Variants in PRKCI observed in about 807,000 individuals in gnomAD.
PRKCI encodes the protein protein kinase C iota, also known as protein kinase C iota type.
PRKCI carries 43 observed loss-of-function variants against 84.0 expected under a neutral mutation model. The ratio of observed to expected loss-of-function variants is 0.51; its 90% CI spans 0.40 to 0.66. The LOEUF is 0.66. Ranked by LOEUF, PRKCI falls within the 30% of genes least tolerant of loss-of-function variation. PRKCI has a pLI of 0.00. For synonymous variants in PRKCI, 216 were observed against 234.4 expected (o/e 0.92, Z 0.72); for missense variants, 459 against 745.6 (o/e 0.62, Z 4.48).
intron 17 of PRKCI, among the ~76,000 whole-genome samples, chr3:170,299,625 G>A (rs1230441652): frequency 6.6e-6 from 1 of 152,204 alleles, no homozygotes; most frequent in African/African-American, 2.4e-5. Context: ...TTGCTTTATA[G>A]TGCATTATCT....
intron 2 of PRKCI, among the ~76,000 whole-genome samples, chr3:170,256,972 G>A (rs566095327): frequency 6.6e-6 from 1 of 151,856 alleles, no homozygotes; most frequent in Non-Finnish European, 1.5e-5. Context: ...ATGTGTTTTT[G>A]TAGTTCCCAA....
intron 8 of PRKCI, 81 bp downstream of exon 8, chr3:170,275,368 C>G (rs1028995002): frequency 2.3e-6 from 3 of 1,299,894 alleles, no homozygotes; most frequent in Non-Finnish European, 3.1e-6. Context: ...ACATATTGAC[C>G]TGCTTAGACT....
At chr3:170,256,654 C>T (rs1404573324) in intron 2 of PRKCI, among the ~76,000 whole-genome samples, 1 of 152,084 alleles carries the variant, frequency 6.6e-6, no homozygotes, top group African/African-American at 2.4e-5. Context: ...TGTTTTGTTT[C>T]AATTTCATTC....
intron 1 of PRKCI, among the ~76,000 whole-genome samples, chr3:170,231,504 G>A (rs1018690596): frequency 1.0e-4 from 15 of 149,908 alleles, no homozygotes; most frequent in African/African-American, 2.7e-4. Flanking sequence ...TCACTCTGTC[G>A]CCCAGGCTGG....
chr3:170,265,521 A>C (rs1733837407), intron 4 of PRKCI, among the ~76,000 whole-genome samples: 2 of 151,940 alleles, frequency 1.3e-5, no homozygotes, highest in African/African-American at 4.8e-5. Context: ...TAGGCAACTC[A>C]TTTTCATTTG....
At chr3:170,290,517 T>A (rs981264514) in intron 12 of PRKCI, among the ~76,000 whole-genome samples, 3 of 151,678 alleles carry the variant, frequency 2.0e-5, no homozygotes, top group Non-Finnish European at 2.9e-5. Context: ...ATATTCTACA[T>A]GTATATGTAT....
intron 1 of PRKCI, among the ~76,000 whole-genome samples, chr3:170,234,918 C>A (rs1732929361): frequency 6.6e-6 from 1 of 151,798 alleles, no homozygotes; most frequent in Admixed American, 6.6e-5. Context: ...TGAGAAGGAT[C>A]CTCCCACCTC....
chr3:170,228,616 TACACAC>T (rs36006947), intron 1 of PRKCI, among the ~76,000 whole-genome samples: 22 of 147,384 alleles, frequency 1.5e-4, no homozygotes, highest in South Asian at 6.5e-4. Context: ...TATATATATA[TACACAC>T]ACACACACAC....
rs774546861 is a variant in PRKCI at position 170,273,293 on chromosome 3, T to C, written c.599T>C (p.Val200Ala). 16 of 1,613,476 alleles carry C rather than the reference T, an allele frequency of 9.9e-6. No individual in the cohort carries two copies. The African/African-American group carries it at 1.5e-4, about 15-fold the overall frequency. Residue 200 changes from valine (V) to alanine (A), a missense_variant, in exon 7 of 18, where the codon GTG (valine) becomes GCG (alanine). This residue lies in a region of PRKCI where 250 missense variants were observed against 319.7 expected (regional missense o/e 0.78). Transcript: ENST00000295797. ...CTTTGGAAATGTTTGTAGGAACCAG[T>C]GATGCCCATGGATCAGTCATCCATG... ...CGRHSLPQEP[V>A]MPMDQSSMHS...
chr3:170,290,508 T>C (rs201629207), intron 12 of PRKCI, among the ~76,000 whole-genome samples: 1 of 151,992 alleles, frequency 6.6e-6, no homozygotes, highest in East Asian at 1.9e-4. Flanking sequence ...GACGTACATA[T>C]ATTCTACATG....
chr3:170,235,442 A>G (rs1732945095), intron 2 of PRKCI, 91 bp downstream of exon 2: 3 of 1,376,546 alleles, frequency 2.2e-6, no homozygotes, highest in Non-Finnish European at 2.0e-6. Flanking sequence ...TAAAAAGTTT[A>G]AGAGGAAAGA....
intron 1 of PRKCI, among the ~76,000 whole-genome samples, chr3:170,233,517 T>C (rs1732858489): frequency 1.3e-5 from 2 of 152,194 alleles, no homozygotes; most frequent in African/African-American, 4.8e-5. Flanking sequence ...TAGAATGTAA[T>C]ATCTTTATTT....
intron 1 of PRKCI, among the ~76,000 whole-genome samples, chr3:170,234,063 C>T (rs185184507): frequency 0.032 from 2,610 of 82,606 alleles, 41 homozygotes; most frequent in East Asian, 0.16. Context: ...GATGGAGTTT[C>T]GCTCTTGTTG....
At chr3:170,281,594 G>A in intron 10 of PRKCI, 3 of 416,868 alleles carry the variant, frequency 7.2e-6, no homozygotes, top group Non-Finnish European at 8.4e-6. Flanking sequence ...CTTGACAGTC[G>A]AAAATGACTT....
chr3:170,279,232 C>T (rs1025400917), intron 8 of PRKCI, among the ~76,000 whole-genome samples: 2 of 152,090 alleles, frequency 1.3e-5, no homozygotes, highest in African/African-American at 4.8e-5. Context: ...TTTCTTGGCA[C>T]ATTGCCCAGG....
At position 170,303,318 on chromosome 3, in the gene PRKCI, C is replaced by T. The variant is rs1335036352; in HGVS notation, c.*191C>T. 16 of 386,950 alleles carry T rather than the reference C, an allele frequency of 4.1e-5. No individual in the cohort carries two copies. Among genetic ancestry groups the T allele is most frequent in the African/African-American group, 1.0e-4 (5 of 48,120 alleles). 24.0% of individuals were successfully genotyped at this position (386,950 alleles called of 1,614,324 possible). On this transcript the variant is annotated 3_prime_UTR_variant, in exon 18 of 18. Transcript: ENST00000295797. ...ATGAAAAAAAAATTAATACTACTAGCTTCCAGACAATCATGTCAAAATTTA... is the reference window on the plus strand; with the variant it reads ...ATGAAAAAAAAATTAATACTACTAGTTTCCAGACAATCATGTCAAAATTTA...
chr3:170,297,144 C>G (rs903315499), intron 15 of PRKCI, among the ~76,000 whole-genome samples, 160 bp from the exon 16 acceptor site: 1 of 152,148 alleles, frequency 6.6e-6, no homozygotes, highest in African/African-American at 2.4e-5. Flanking sequence ...TTTCAAATAA[C>G]TCAATTTGTT....
rs945802055 is a variant in PRKCI, at chr3:170,269,669, AAGAG to A, written c.451-748_451-745del. Among the ~76,000 whole-genome samples, 120 of 151,748 alleles carry A rather than the reference AAGAG, an allele frequency of 7.9e-4. 1 individual carries two copies. Among genetic ancestry groups the A allele is most frequent in the African/African-American group, 2.8e-3 (115 of 41,396 alleles). On this transcript the variant is annotated intron_variant, in intron 5 of 17. Coordinates refer to ENST00000295797, the MANE Select transcript of PRKCI (RefSeq NM_002740.6). ...TCTTAAAAATAAATAAATAAATAAA[AAGAG>A]AGACCAAGTGCGGTGGCTCACACGT... is the stretch of plus-strand genomic sequence containing the variant.
chr3:170,246,368 G>A (rs1733285724), intron 2 of PRKCI, among the ~76,000 whole-genome samples: 1 of 152,040 alleles, frequency 6.6e-6, no homozygotes, highest in Non-Finnish European at 1.5e-5. Context: ...GGCCAGGCTG[G>A]TCTTGAACTC....
Sources: allele counts gnomAD v4.1 joint callset (sites outside exome capture counted in the v4.1 genomes callset), GRCh38; gene constraint gnomAD v4.1.1; regional missense constraint gnomAD v4.1.1; transcripts MANE v1.5; gene names NCBI Gene and HGNC (gene_info 2026-07-23, HGNC 2026-07-21).